CACNA2D1: variants seen among roughly 807,000 people sequenced by gnomAD.
CACNA2D1 encodes the protein voltage-dependent calcium channel subunit alpha-2/delta-1.
Under a neutral mutation model 171.5 loss-of-function variants are expected in CACNA2D1, and 53 were observed. The observed-to-expected ratio is 0.31, with a 90% CI of 0.25 to 0.39. The LOEUF (loss-of-function observed/expected upper bound fraction) is 0.39. CACNA2D1 is among the 10% of genes least tolerant of loss of function. The probability of loss-of-function intolerance (pLI) is 1.00; values close to 1 mark genes in which losing one functional copy is unlikely to be tolerated. For missense variants in CACNA2D1, 903 were observed against 1,299.8 expected (o/e 0.69, Z 4.69); for synonymous variants, 442 against 443.1 (o/e 1.00, Z 0.03).
intron 3 of CACNA2D1, among the ~76,000 whole-genome samples, chr7:82,319,416 A>C (rs550573385): frequency 6.6e-6 from 1 of 152,330 alleles, no homozygotes; most frequent in South Asian, 2.1e-4. Context: ...GTAGAAATTG[A>C]TATGTGCAGT....
At chr7:82,028,522 C>G (rs917059507) in intron 12 of CACNA2D1, 10 of 151,816 alleles carry the variant, frequency 6.6e-5, no homozygotes, top group Non-Finnish European at 1.5e-4. Flanking sequence ...AAGACTATAG[C>G]TGCTATAAAT....
At chr7:82,096,025 T>C (rs1412531175) in intron 6 of CACNA2D1, among the ~76,000 whole-genome samples, 2 of 152,244 alleles carry the variant, frequency 1.3e-5, no homozygotes, top group Non-Finnish European at 2.9e-5. Flanking sequence ...TTTCCCAATG[T>C]ATGTGCTTCA....
rs1252685136 is a variant in CACNA2D1 at position 82,443,120 on chromosome 7, T to C, written c.95+245A>G. On this transcript the variant is annotated intron_variant, in intron 1 of 38. Transcript: ENST00000356860. ...GACGCCGCGAGTCGTCGGCGGGCGC[T>C]TCCCGGGACAGTCGGCCCCCAGTGC... is the stretch of plus-strand genomic sequence containing the variant. 2.6e-5 allele frequency among the ~76,000 whole-genome samples: 4 copies of C among 152,032 alleles called. No homozygotes were observed. The South Asian group carries it at 8.3e-4, about 31-fold the overall frequency.
At chr7:82,201,735 C>T (rs62462992) in intron 3 of CACNA2D1, among the ~76,000 whole-genome samples, 23,426 of 152,124 alleles carry the variant, frequency 0.15, 2,612 homozygotes, top group African/African-American at 0.3. Flanking sequence ...TGGATTCTAG[C>T]AGGAATACAA....
At chr7:82,134,813 C>T (rs1247572182) in intron 5 of CACNA2D1, among the ~76,000 whole-genome samples, 2 of 152,046 alleles carry the variant, frequency 1.3e-5, no homozygotes, top group African/African-American at 4.8e-5. Flanking sequence ...AACTATGTAA[C>T]AATATTAGAA....
intron 1 of CACNA2D1, among the ~76,000 whole-genome samples, chr7:82,374,236 C>T (rs192919421): frequency 2.8e-4 from 42 of 152,286 alleles, no homozygotes; most frequent in Non-Finnish European, 4.9e-4. Context: ...GAGTCTCTGA[C>T]ATTTAAAAGG....
At chr7:82,443,044 C>T (rs916391908) in intron 1 of CACNA2D1, among the ~76,000 whole-genome samples, 1 of 152,232 alleles carries the variant, frequency 6.6e-6, no homozygotes, top group African/African-American at 2.4e-5. Context: ...ACTTTTTTCC[C>T]CAGTACGGCT....
chr7:82,016,621 C>G (rs59657829), intron 12 of CACNA2D1, among the ~76,000 whole-genome samples: 3 of 32,766 alleles, frequency 9.2e-5, no homozygotes, highest in South Asian at 1.9e-3. Context: ...CCCCCCCCCC[C>G]CAAAAAAAAA....
rs34180150 is a variant in CACNA2D1, at chr7:82,432,037, TAA to T, written c.95+11326_95+11327del. On this transcript the variant is annotated intron_variant, in intron 1 of 38. Transcript: ENST00000356860. Reference sequence around the variant, plus strand: ...TGGGCAACAGAACAAGACTCTGTCTTAAAAAAAAAAAAAAAAAAAAATTGGAG... The same window carrying T: ...TGGGCAACAGAACAAGACTCTGTCTTAAAAAAAAAAAAAAAAAAATTGGAG... Among the ~76,000 whole-genome samples, 26 of 82,212 alleles carry T rather than the reference TAA, an allele frequency of 3.2e-4. 2 individuals are homozygous for T. Among genetic ancestry groups the T allele is most frequent in the African/African-American group, 1.5e-3 (20 of 13,088 alleles). The allele number at this position is 82,212 out of a possible 152,430, so 53.9% of individuals were successfully genotyped here.
chr7:81,994,902 T>G lies in CACNA2D1; in HGVS notation c.1700A>C (p.Lys567Thr). Residue 567 changes from lysine to threonine, a missense_variant, in exon 20 of 39, where the codon AAA (lysine) becomes ACA (threonine). Lys to Thr is a moderately conservative substitution (Grantham distance 78). Around this residue, in one of 5 missense-constraint regions of CACNA2D1, gnomAD observed 623 missense variants for 925.5 expected, o/e 0.67. Coordinates refer to ENST00000356860, the MANE Select transcript of CACNA2D1 (RefSeq NM_000722.4). ...AGATTTAACCAGAGTTCTGAATGTT[T>G]TTTCTCCACTTTCCCCATCAATCAT... ...NKMIDGESGE[K>T]TFRTLVKSQD... is the part of the protein sequence containing the mutation. 6.5e-7 allele frequency: 1 copy of G among 1,542,868 alleles called. No homozygotes were observed. The highest frequency in any genetic ancestry group is 1.1e-5 in the South Asian group (1 of 89,470).
At chr7:82,286,643 G>GT (rs1302223068) in intron 3 of CACNA2D1, among the ~76,000 whole-genome samples, 2 of 152,066 alleles carry the variant, frequency 1.3e-5, no homozygotes, top group African/African-American at 4.8e-5. Flanking sequence ...GATTATTGAC[G>GT]TAGCAAAGCC....
intron 7 of CACNA2D1, among the ~76,000 whole-genome samples, chr7:82,069,911 A>G (rs1808120990): frequency 6.6e-6 from 1 of 152,114 alleles, no homozygotes; most frequent in African/African-American, 2.4e-5. Context: ...TATACTCAAC[A>G]ATGCCTTTAA....
intron 6 of CACNA2D1, among the ~76,000 whole-genome samples, chr7:82,088,914 T>C (rs1810801113): frequency 6.6e-6 from 1 of 151,932 alleles, no homozygotes; most frequent in Non-Finnish European, 1.5e-5. Flanking sequence ...AGATATCTCA[T>C]AAGGAGCATG....
intron 3 of CACNA2D1, among the ~76,000 whole-genome samples, chr7:82,332,006 A>G (rs1192467099): frequency 6.6e-6 from 1 of 152,210 alleles, no homozygotes; most frequent in Non-Finnish European, 1.5e-5. Flanking sequence ...ATTTTCCAGT[A>G]ATGAAAGTTT....
rs148334690 is a variant in CACNA2D1 at position 82,257,388 on chromosome 7, C to T, written c.294+77747G>A. ...TGACACTGAAAACACACATTCTGTG[C>T]CAATCATCTATTTTCAGGGAAAAAT... On this transcript the variant is annotated intron_variant, in intron 3 of 38. Transcript: ENST00000356860. Among the ~76,000 whole-genome samples, 10 of 152,232 alleles carry T rather than the reference C, an allele frequency of 6.6e-5. No homozygotes were observed. In the East Asian group the frequency reaches 1.7e-3, roughly 26 times the overall value.
At chr7:82,442,095 A>G (rs1830548571) in intron 1 of CACNA2D1, among the ~76,000 whole-genome samples, 1 of 152,236 alleles carries the variant, frequency 6.6e-6, no homozygotes, top group Non-Finnish European at 1.5e-5. Context: ...CAATGACAAC[A>G]AAAATTAGAC....
At chr7:82,064,164 T>C (rs1317492820) in intron 9 of CACNA2D1, 140 bp downstream of exon 9, 1 of 538,612 alleles carries the variant, frequency 1.9e-6, no homozygotes. Flanking sequence ...ATGGCTTCAT[T>C]GCCTGAATAT....
chr7:82,378,938 CGTGTGTGTGTGTGTGTGTGTGTGTGT>C (rs533854397), intron 1 of CACNA2D1, among the ~76,000 whole-genome samples: 10 of 139,094 alleles, frequency 7.2e-5, no homozygotes, highest in Non-Finnish European at 7.8e-5. Context: ...GGGGTTGACT[CGTGTGTGTGTGTGTGTGTGTGTGTGT>C]GTGTGTGTGT....
chr7:82,416,778 G>A (rs901067243), intron 1 of CACNA2D1, among the ~76,000 whole-genome samples: 2 of 152,132 alleles, frequency 1.3e-5, no homozygotes, highest in African/African-American at 4.8e-5. Flanking sequence ...TGAAGTACTG[G>A]GGGTTAGAAA....
Sources: gnomAD v4.1 joint callset for allele counts (sites outside exome capture counted in the v4.1 genomes callset) on GRCh38, gnomAD v4.1.1 for gene constraint, gnomAD v4.1.1 regional missense constraint, MANE v1.5 for transcripts, NCBI Gene and HGNC (gene_info 2026-07-23, HGNC 2026-07-21) for gene names.